The following ESRP1 variants were observed in gnomAD, a reference collection of about 807,000 sequenced individuals.
ESRP1 encodes RNA-binding motif protein 35A.
A neutral mutation model predicts 81.7 loss-of-function variants in ESRP1; 33 were observed. The observed-to-expected ratio is 0.40, with a 90% CI of 0.31 to 0.54. The LOEUF (loss-of-function observed/expected upper bound fraction) is 0.54, where lower values mean the gene tolerates loss of function less well. Among genes scored for constraint, ESRP1 ranks in the 20% least tolerant of loss-of-function variants. ESRP1 has a pLI of 0.41. For missense variants in ESRP1, 672 were observed against 833.1 expected (o/e 0.81, Z 2.38); for synonymous variants, 320 against 303.3 (o/e 1.06, Z -0.57).
chr8:94,686,073 G>A (rs1437181894), intron 13 of ESRP1, among the ~76,000 whole-genome samples: 2 of 152,024 alleles, frequency 1.3e-5, no homozygotes, highest in African/African-American at 2.4e-5. Flanking sequence ...TCCGTCTCCT[G>A]AGGCACCCAC....
chr8:94,649,170 C>A (rs1441086193), intron 4 of ESRP1, among the ~76,000 whole-genome samples: 1 of 152,172 alleles, frequency 6.6e-6, no homozygotes, highest in East Asian at 1.9e-4. Context: ...CGAGATCATA[C>A]CATTATACTC....
rs199654486 is a variant in ESRP1, at chr8:94,659,195, T to TA, written c.491-3068dup. ...CGTGTCTGGCCAGTTTTGTTTTGTT[T>TA]AAAAAAAAAGAAAATGGAAGGTTTG... On this transcript the variant is annotated intron_variant, in intron 4 of 15. Transcript: ENST00000433389. Among the ~76,000 whole-genome samples, 917 of 151,582 alleles carry TA rather than the reference T, an allele frequency of 6.0e-3. 9 individuals carry two copies. Among genetic ancestry groups the TA allele is most frequent in the African/African-American group, 0.021 (877 of 41,354 alleles).
chr8:94,668,331 T>C, intron 10 of ESRP1, 81 bp downstream of exon 10: 1 of 1,319,156 alleles, frequency 7.6e-7, no homozygotes, highest in Non-Finnish European at 1.0e-6. Flanking sequence ...CATTGCTCAT[T>C]ATGTTAAAAT....
At chr8:94,667,345 T>C (rs1414701293) in intron 9 of ESRP1, among the ~76,000 whole-genome samples, 1 of 152,040 alleles carries the variant, frequency 6.6e-6, no homozygotes, top group East Asian at 1.9e-4. Flanking sequence ...TGTTTTATGT[T>C]GGGCAGAATG....
chr8:94,707,072 G>A lies in ESRP1; in HGVS notation c.*1183G>A, dbSNP rs552063787. 3.3e-5 allele frequency: 5 copies of A among 152,270 alleles called. No homozygotes were observed. The South Asian group carries it at 1.0e-3, about 32-fold the overall frequency. 9.4% of individuals were successfully genotyped at this position (152,270 alleles called of 1,614,324 possible). ...GCCTCATGTAACTCCAAAGAAAACA[G>A]GATTTCATTAAGTGCATTGAATGTG... is the stretch of plus-strand genomic sequence containing the variant. On this transcript the variant is annotated 3_prime_UTR_variant, in exon 16 of 16. Coordinates refer to ENST00000433389, the MANE Select transcript of ESRP1 (RefSeq NM_017697.4).
At position 94,646,473 on chromosome 8, in the gene ESRP1, G is replaced by T; in HGVS notation, c.490+191G>T. The T allele has an allele frequency of 1.1e-5, 5 of 474,564 alleles. 1 individual carries two copies. The highest frequency in any genetic ancestry group is 5.8e-5 in the South Asian group (2 of 34,442). 29.4% of individuals were successfully genotyped at this position (474,564 alleles called of 1,614,324 possible). On this transcript the variant is annotated intron_variant, in intron 4 of 15. Coordinates refer to ENST00000433389, the MANE Select transcript of ESRP1 (RefSeq NM_017697.4). ...TGAAAGTGGTTATAATTAATCAGAT[G>T]GTTGGACGGATTTGGAGATGGATTT...
At chr8:94,669,270 A>G (rs1223871090) in intron 10 of ESRP1, among the ~76,000 whole-genome samples, 1 of 152,082 alleles carries the variant, frequency 6.6e-6, no homozygotes. Flanking sequence ...TGCTTTTCCA[A>G]CTTGCTCTAT....
intron 15 of ESRP1, among the ~76,000 whole-genome samples, chr8:94,702,500 G>A (rs1439093282): frequency 1.3e-5 from 2 of 152,146 alleles, no homozygotes; most frequent in African/African-American, 2.4e-5. Flanking sequence ...AAGTTCTTGT[G>A]TAAGATGATT....
intron 4 of ESRP1, among the ~76,000 whole-genome samples, chr8:94,648,362 G>A (rs991762674): frequency 3.9e-5 from 6 of 152,088 alleles, no homozygotes; most frequent in Non-Finnish European, 7.4e-5. Context: ...TCTTAGCAAC[G>A]GTTTTTATGT....
rs115445547 is a variant in ESRP1 at position 94,691,034 on chromosome 8, C to T, written c.1821-1643C>T. Among the ~76,000 whole-genome samples, 1,103 of 152,260 alleles carry T rather than the reference C, an allele frequency of 7.2e-3. 18 individuals are homozygous for T. Among genetic ancestry groups the T allele is most frequent in the African/African-American group, 0.025 (1,034 of 41,558 alleles). ...ATCTAACTCTTAGTTTCTGTTTCCACCTCTGCAAAAATGAAGAGGTATGAC... is the reference window on the plus strand; with the variant it reads ...ATCTAACTCTTAGTTTCTGTTTCCATCTCTGCAAAAATGAAGAGGTATGAC... On this transcript the variant is annotated intron_variant, in intron 13 of 15. Transcript: ENST00000433389.
chr8:94,680,843 A>G (rs1053093088), intron 13 of ESRP1, among the ~76,000 whole-genome samples: 3 of 152,136 alleles, frequency 2.0e-5, no homozygotes, highest in African/African-American at 7.2e-5. Flanking sequence ...GGAAATCTGA[A>G]ACAGCATATT....
intron 1 of ESRP1, chr8:94,641,709 G>T: frequency 2.9e-6 from 2 of 688,396 alleles, no homozygotes; most frequent in Non-Finnish European, 2.2e-6. Context: ...GTCGGGGGAC[G>T]CTCCGCCGAG....
At chr8:94,695,491 A>T (rs1399444025) in intron 14 of ESRP1, among the ~76,000 whole-genome samples, 1 of 148,416 alleles carries the variant, frequency 6.7e-6, no homozygotes, top group Non-Finnish European at 1.5e-5. Flanking sequence ...AGTAGCTGGG[A>T]TTACACGTGT....
At chr8:94,675,134 T>G (rs1819526732) in intron 12 of ESRP1, among the ~76,000 whole-genome samples, 1 of 152,158 alleles carries the variant, frequency 6.6e-6, no homozygotes, top group African/African-American at 2.4e-5. Flanking sequence ...GTGCAAGCCA[T>G]CTGGAATCCT....
intron 3 of ESRP1, 22 bp downstream of exon 3, chr8:94,643,438 A>G (rs775649063): frequency 2.0e-6 from 3 of 1,529,798 alleles, no homozygotes; most frequent in Non-Finnish European, 1.8e-6. Context: ...GGCTTCTGGG[A>G]AAAAAATGGT....
intron 11 of ESRP1, 53 bp downstream of exon 11, chr8:94,671,724 G>T: frequency 8.0e-7 from 1 of 1,242,964 alleles, no homozygotes; most frequent in South Asian, 1.4e-5. Flanking sequence ...CTACATATGA[G>T]AAATATCTAA....
chr8:94,667,046 T>A (rs1232195937), intron 9 of ESRP1, among the ~76,000 whole-genome samples: 1 of 126,954 alleles, frequency 7.9e-6, no homozygotes, highest in East Asian at 2.1e-4. Context: ...CTACTAATAA[T>A]ACACAAATTA....
At chr8:94,653,922 T>C (rs1274452185) in intron 4 of ESRP1, among the ~76,000 whole-genome samples, 5 of 152,230 alleles carry the variant, frequency 3.3e-5, no homozygotes, top group African/African-American at 7.2e-5. Context: ...CAAATCGGCA[T>C]GGACACTGGC....
At chr8:94,681,997 G>A (rs3864655) in intron 13 of ESRP1, among the ~76,000 whole-genome samples, 51,986 of 152,088 alleles carry the variant, frequency 0.34, 9,529 homozygotes, top group East Asian at 0.56. Flanking sequence ...ATGAAAGCAT[G>A]TATGCCTCAT....
Sources: gnomAD v4.1 joint callset for allele counts (sites outside exome capture counted in the v4.1 genomes callset) on GRCh38, gnomAD v4.1.1 for gene constraint, MANE v1.5 for transcripts, NCBI Gene and HGNC (gene_info 2026-07-23, HGNC 2026-07-21) for gene names.